VAMP4: variants seen among roughly 807,000 people sequenced by gnomAD.
VAMP4 encodes vesicle-associated membrane protein 4.
A neutral mutation model predicts 23.5 loss-of-function variants in VAMP4; 19 were observed. The observed-to-expected ratio is 0.81, with a 90% CI of 0.56 to 1.19. The LOEUF is 1.19. Among genes scored for constraint, VAMP4 ranks in the 50% most tolerant of loss-of-function variants. The pLI is 0.00. For synonymous variants in VAMP4, 31 were observed against 51.0 expected (o/e 0.61, Z 1.67); for missense variants, 145 against 168.6 (o/e 0.86, Z 0.78).
chr1:171,727,712 T>C (rs1183384127), intron 3 of VAMP4, among the ~76,000 whole-genome samples: 2 of 152,080 alleles, frequency 1.3e-5, no homozygotes, highest in African/African-American at 2.4e-5. Flanking sequence ...CACACATAAG[T>C]GAATGCATAA....
chr1:171,733,025 A>G (rs1031856089), intron 2 of VAMP4, among the ~76,000 whole-genome samples: 1 of 152,192 alleles, frequency 6.6e-6, no homozygotes, highest in African/African-American at 2.4e-5. Flanking sequence ...CCAATAGAAG[A>G]AATGGCCAAT....
At chr1:171,733,407 C>A (rs1244430342) in intron 2 of VAMP4, among the ~76,000 whole-genome samples, 1 of 150,710 alleles carries the variant, frequency 6.6e-6, no homozygotes, top group African/African-American at 2.4e-5. Context: ...GGCTGCAGAA[C>A]CCTGATCGTG....
chr1:171,725,301 T>C (rs1053070359), intron 3 of VAMP4, among the ~76,000 whole-genome samples: 2 of 152,208 alleles, frequency 1.3e-5, no homozygotes, highest in African/African-American at 4.8e-5. Context: ...CATTTATGTA[T>C]TCAATAGTGA....
At chr1:171,713,605 G>A (rs1053444678) in intron 4 of VAMP4, among the ~76,000 whole-genome samples, 2 of 152,146 alleles carry the variant, frequency 1.3e-5, no homozygotes, top group African/African-American at 4.8e-5. Context: ...GGCCAAGGTG[G>A]AAGGATCCCC....
At chr1:171,704,722 A>C (rs1386941336) in intron 7 of VAMP4, among the ~76,000 whole-genome samples, 188 bp from the exon 8 acceptor site, 1 of 152,054 alleles carries the variant, frequency 6.6e-6, no homozygotes. Flanking sequence ...AACAACCTAA[A>C]TGTCTAACAT....
rs1210884780 is a variant in VAMP4, at chr1:171,703,401, G to GTGTGTA, written c.*1104_*1105insTACACA. On this transcript the variant is annotated 3_prime_UTR_variant, in exon 8 of 8. Transcript: ENST00000236192. ...GATTATCATATGTGTGCGTGTGTGT[G>GTGTGTA]TGTGTGTGTGTGTGTGTTTGTGTGT... is the stretch of plus-strand genomic sequence containing the variant. 2.0e-5 allele frequency: 2 copies of GTGTGTA among 100,470 alleles called. No homozygotes were observed. The highest frequency in any genetic ancestry group is 3.9e-5 in the African/African-American group (1 of 25,570). 6.2% of individuals were successfully genotyped at this position (100,470 alleles called of 1,614,324 possible).
Position 171,709,653 on chromosome 1 carries a change from T to C in VAMP4, c.345+12A>G, listed in dbSNP as rs1654781245. The C allele has an allele frequency of 6.2e-7, 1 of 1,612,420 alleles. No homozygotes were observed. Among genetic ancestry groups the C allele is most frequent in the Non-Finnish European group, 8.5e-7 (1 of 1,178,812 alleles). ...GCTGACCAGTCTATCCAGTAGCTTC[T>C]GATTTACTTACTTTGCATCCACGCC... On this transcript the variant is annotated intron_variant, in intron 6 of 7. Coordinates refer to ENST00000236192, the MANE Select transcript of VAMP4 (RefSeq NM_003762.5).
At chr1:171,710,268 G>A (rs375726268) in intron 5 of VAMP4, among the ~76,000 whole-genome samples, 30 of 151,478 alleles carry the variant, frequency 2.0e-4, no homozygotes, top group Admixed American at 1.1e-3. Context: ...TGGCAAGTAC[G>A]TGCCAGGTAT....
chr1:171,709,042 G>C (rs989912574), intron 6 of VAMP4, among the ~76,000 whole-genome samples: 3 of 151,756 alleles, frequency 2.0e-5, no homozygotes, highest in African/African-American at 7.3e-5. Flanking sequence ...AACATTTTCT[G>C]TTAATGATTA....
intron 2 of VAMP4, among the ~76,000 whole-genome samples, chr1:171,730,907 A>T (rs74883952): frequency 0.17 from 26,001 of 152,118 alleles, 2,327 homozygotes; most frequent in Middle Eastern, 0.24. Flanking sequence ...TAAAAAAATG[A>T]AAGAAGGATG....
intron 3 of VAMP4, among the ~76,000 whole-genome samples, chr1:171,721,328 T>C (rs1202174524): frequency 6.6e-6 from 1 of 151,950 alleles, no homozygotes; most frequent in Non-Finnish European, 1.5e-5. Context: ...TAATAAAAAA[T>C]AAAAGGCAAA....
rs998791544 is a variant in VAMP4 at position 171,703,004 on chromosome 1, C to CA, written c.*1501dup. 3 of 151,450 alleles carry CA rather than the reference C, an allele frequency of 2.0e-5. No individual in the cohort carries two copies. The highest frequency in any genetic ancestry group is 7.3e-5 in the African/African-American group (3 of 41,302). The allele number at this position is 151,450 out of a possible 1,614,324, so 9.4% of individuals were successfully genotyped here. On this transcript the variant is annotated 3_prime_UTR_variant, in exon 8 of 8. Coordinates refer to ENST00000236192, the MANE Select transcript of VAMP4 (RefSeq NM_003762.5). ...AATCCTGTAGAATTTTAAAAACAGACAAAAAAACACCAAACCCAGATTCTA... is the reference window on the plus strand; with the variant it reads ...AATCCTGTAGAATTTTAAAAACAGACAAAAAAAACACCAAACCCAGATTCTA...
rs79693115 is a variant in VAMP4 at position 171,733,918 on chromosome 1, A to T, written c.66+4431T>A. On this transcript the variant is annotated intron_variant, in intron 2 of 7. Transcript: ENST00000236192. ...AGTATTTAAAATAGCCAAAAGTAGA[A>T]AAAAACCCAAACATCTATGAACTGA... Among the ~76,000 whole-genome samples, 1,083 of 152,336 alleles carry T rather than the reference A, an allele frequency of 7.1e-3. 14 individuals are homozygous for T. The highest frequency in any genetic ancestry group is 0.025 in the African/African-American group (1,034 of 41,570).
intron 7 of VAMP4, among the ~76,000 whole-genome samples, chr1:171,704,791 TA>T (rs1208947850): frequency 6.6e-6 from 1 of 152,042 alleles, no homozygotes; most frequent in Non-Finnish European, 1.5e-5. Context: ...AAAATATTAC[TA>T]AAAATTTTGA....
intron 4 of VAMP4, among the ~76,000 whole-genome samples, chr1:171,715,406 C>A (rs1654996260): frequency 6.6e-6 from 1 of 152,218 alleles, no homozygotes; most frequent in African/African-American, 2.4e-5. Context: ...TAATTACCAA[C>A]AGAGAAGCTG....
At chr1:171,715,181 G>A (rs116735146) in intron 4 of VAMP4, among the ~76,000 whole-genome samples, 2,105 of 152,272 alleles carry the variant, frequency 0.014, 59 homozygotes, top group African/African-American at 0.048. Flanking sequence ...GGTAGTAGAC[G>A]ATGGCTATTA....
At position 171,701,309 on chromosome 1, in the gene VAMP4, T is replaced by A. The variant is rs1654424544; in HGVS notation, c.*3197A>T. ...ACATAGTAATACTCTGACAATACAA[T>A]TAAGGGGACATCTTCTAATGGCATT... On this transcript the variant is annotated 3_prime_UTR_variant, in exon 8 of 8. Transcript: ENST00000236192. The A allele has an allele frequency of 6.6e-6, 1 of 152,148 alleles. No individual in the cohort carries two copies. The highest frequency in any genetic ancestry group is 6.5e-5 in the Admixed American group (1 of 15,272). The allele number at this position is 152,148 out of a possible 1,614,324, so 9.4% of individuals were successfully genotyped here. A position where few individuals can be genotyped will look rare whatever the true frequency, so the allele number is the denominator to read the frequency against.
intron 4 of VAMP4, among the ~76,000 whole-genome samples, chr1:171,716,179 G>A (rs1339754157): frequency 6.6e-6 from 1 of 152,116 alleles, no homozygotes; most frequent in Non-Finnish European, 1.5e-5. Flanking sequence ...GTCGGGGAGG[G>A]AATCTCATAA....
Position 171,741,749 on chromosome 1 carries a change from C to G in VAMP4, c.-50+161G>C, listed in dbSNP as rs149644183. 2.6e-4 allele frequency among the ~76,000 whole-genome samples: 40 copies of G among 152,330 alleles called. No individual in the cohort carries two copies. The East Asian group carries it at 7.7e-3, about 29-fold the overall frequency. On this transcript the variant is annotated intron_variant, in intron 1 of 7. Transcript: ENST00000236192. ...CTCGTCTTCCTTCCTCACGGCACCC[C>G]CGGCCCCAACCTTTTCCCACTCCGG...
Sources: allele counts gnomAD v4.1 joint callset (sites outside exome capture counted in the v4.1 genomes callset), GRCh38; gene constraint gnomAD v4.1.1; transcripts MANE v1.5; gene names NCBI Gene and HGNC (gene_info 2026-07-23, HGNC 2026-07-21).